The following IQCM variants were observed in gnomAD, a reference collection of about 807,000 sequenced individuals.
The protein encoded by IQCM is IQ domain-containing protein M.
IQCM carries 45 observed loss-of-function variants against 57.6 expected under a neutral mutation model. The ratio of observed to expected loss-of-function variants is 0.78; its 90% confidence interval spans 0.62 to 1.00. The LOEUF (loss-of-function observed/expected upper bound fraction) is 1.00, where lower values mean the gene tolerates loss of function less well. Ranked by LOEUF, IQCM falls within the 50% of genes least tolerant of loss-of-function variation. The pLI is 0.00. For missense variants in IQCM, 468 were observed against 511.6 expected (o/e 0.91, Z 0.82); for synonymous variants, 148 against 158.9 (o/e 0.93, Z 0.51).
At chr4:149,495,123 G>A (rs570724460) in intron 12 of IQCM, among the ~76,000 whole-genome samples, 1 of 152,188 alleles carries the variant, frequency 6.6e-6, no homozygotes, top group African/African-American at 2.4e-5. Context: ...TATAGAAACA[G>A]GGGATACAGA....
chr4:149,530,118 A>T (rs1451139531), intron 12 of IQCM, among the ~76,000 whole-genome samples: 1 of 151,974 alleles, frequency 6.6e-6, no homozygotes, highest in Non-Finnish European at 1.5e-5. Flanking sequence ...TATTCCAAAC[A>T]ATTATTCTGA....
chr4:149,769,998 A>T (rs1302939699), intron 2 of IQCM, among the ~76,000 whole-genome samples: 1 of 152,018 alleles, frequency 6.6e-6, no homozygotes, highest in Non-Finnish European at 1.5e-5. Context: ...TAAATAGCAG[A>T]GCAGAAATCA....
At chr4:149,602,035 C>CA (rs1236897737) in intron 8 of IQCM, among the ~76,000 whole-genome samples, 1,413 of 35,396 alleles carry the variant, frequency 0.04, 27 homozygotes, top group Admixed American at 0.12. Context: ...GCCTGGGCGA[C>CA]AAAAAAAAAA....
intron 12 of IQCM, among the ~76,000 whole-genome samples, chr4:149,530,282 T>C (rs1746598092): frequency 6.6e-6 from 1 of 152,088 alleles, no homozygotes; most frequent in Admixed American, 6.6e-5. Flanking sequence ...TGTATACATA[T>C]ATATAATTCC....
intron 9 of IQCM, among the ~76,000 whole-genome samples, chr4:149,586,779 C>A (rs1752684383): frequency 6.6e-6 from 1 of 151,668 alleles, no homozygotes; most frequent in African/African-American, 2.4e-5. Context: ...TTTATTTCTG[C>A]ACTGGGGATC....
intron 10 of IQCM, among the ~76,000 whole-genome samples, chr4:149,560,568 A>G (rs1468199524): frequency 1.3e-5 from 2 of 152,204 alleles, no homozygotes; most frequent in African/African-American, 4.8e-5. Flanking sequence ...ATACCAAAAC[A>G]CATGCAAACA....
At chr4:149,418,357 C>T (rs1297198933) in intron 13 of IQCM, among the ~76,000 whole-genome samples, 1 of 152,010 alleles carries the variant, frequency 6.6e-6, no homozygotes, top group African/African-American at 2.4e-5. Flanking sequence ...GGATAAGTTC[C>T]TGGACACATA....
intron 12 of IQCM, among the ~76,000 whole-genome samples, chr4:149,547,596 A>G (rs1748582700): frequency 6.6e-6 from 1 of 152,142 alleles, no homozygotes; most frequent in Admixed American, 6.6e-5. Flanking sequence ...GACTGTCGTT[A>G]ATACTGTATT....
chr4:149,808,928 G>A (rs2150063793), intron 2 of IQCM, among the ~76,000 whole-genome samples: 1 of 152,252 alleles, frequency 6.6e-6, no homozygotes, highest in South Asian at 2.1e-4. Context: ...CTAAATGGAA[G>A]TAAAAAGGTA....
intron 7 of IQCM, among the ~76,000 whole-genome samples, chr4:149,677,434 G>C (rs1761842144): frequency 6.6e-6 from 1 of 152,022 alleles, no homozygotes; most frequent in Non-Finnish European, 1.5e-5. Context: ...CCAAACACTT[G>C]CTAGAGCTGA....
At chr4:149,529,875 A>G (rs76343780) in intron 12 of IQCM, among the ~76,000 whole-genome samples, 11,641 of 152,284 alleles carry the variant, frequency 0.076, 583 homozygotes, top group Non-Finnish European at 0.12. Context: ...CATCATATTT[A>G]CAATAAAATC....
At chr4:149,432,225 A>G (rs370106461) in intron 13 of IQCM, among the ~76,000 whole-genome samples, 2 of 151,862 alleles carry the variant, frequency 1.3e-5, no homozygotes, top group Admixed American at 6.6e-5. Context: ...GTATCATTAG[A>G]TTAAAAAATT....
chr4:149,759,639 TTC>T (rs1219716269), intron 2 of IQCM, among the ~76,000 whole-genome samples: 23 of 152,080 alleles, frequency 1.5e-4, no homozygotes, highest in African/African-American at 5.6e-4. Flanking sequence ...AAGCCAAAAC[TTC>T]TCTTAAAAAA....
chr4:149,574,809 C>T (rs1751485205), intron 9 of IQCM, among the ~76,000 whole-genome samples: 1 of 151,878 alleles, frequency 6.6e-6, no homozygotes, highest in South Asian at 2.1e-4. Flanking sequence ...GCACTATTTG[C>T]CCATCTGTTC....
intron 12 of IQCM, among the ~76,000 whole-genome samples, chr4:149,539,789 C>A (rs904692603): frequency 5.3e-5 from 8 of 152,040 alleles, no homozygotes; most frequent in African/African-American, 1.7e-4. Context: ...CTCTTGAAAC[C>A]AGGAGGTGGG....
chr4:149,653,892 G>A (rs376852525), intron 7 of IQCM, among the ~76,000 whole-genome samples: 13 of 151,730 alleles, frequency 8.6e-5, no homozygotes, highest in Non-Finnish European at 1.6e-4. Context: ...ATTGTAACTG[G>A]GAAAAAAATG....
At chr4:149,736,541 T>C (rs1368246778) in intron 3 of IQCM, among the ~76,000 whole-genome samples, 1 of 152,108 alleles carries the variant, frequency 6.6e-6, no homozygotes, top group African/African-American at 2.4e-5. Flanking sequence ...ACTCTATCTC[T>C]ATTAGTACTC....
chr4:149,707,009 T>C (rs114580460), intron 5 of IQCM, among the ~76,000 whole-genome samples: 439 of 152,138 alleles, frequency 2.9e-3, no homozygotes, highest in African/African-American at 0.01. Context: ...GAAGAAAAGA[T>C]GTAGGAACAC....
intron 10 of IQCM, among the ~76,000 whole-genome samples, chr4:149,558,251 A>G (rs1202185648): frequency 6.6e-6 from 1 of 152,168 alleles, no homozygotes; most frequent in Non-Finnish European, 1.5e-5. Context: ...AATCAGTAAC[A>G]ATGATTCTCA....
Sources: gnomAD v4.1 joint callset for allele counts (sites outside exome capture counted in the v4.1 genomes callset) on GRCh38, gnomAD v4.1.1 for gene constraint, MANE v1.5 for transcripts, NCBI Gene and HGNC (gene_info 2026-07-23, HGNC 2026-07-21) for gene names.